Variants in ACAA1 observed in about 807,000 individuals in gnomAD.
ACAA1 encodes acetyl-CoA acyltransferase 1.
A neutral mutation model predicts 48.8 loss-of-function variants in ACAA1; 44 were observed. The observed-to-expected ratio is 0.90, with a 90% confidence interval of 0.71 to 1.16. The LOEUF is 1.16. Ranked by LOEUF, ACAA1 falls within the 50% of genes most tolerant of loss-of-function variation. ACAA1 has a pLI of 0.00. For synonymous variants in ACAA1, 233 were observed against 226.5 expected, an observed-to-expected ratio of 1.03 and a Z score of -0.26; for missense variants, 512 against 562.3, an observed-to-expected ratio of 0.91 and a Z score of 0.90.
chr3:38,136,660 G>C lies in ACAA1; in HGVS notation c.197C>G (p.Ser66Trp), dbSNP rs746937159. ...CTTGAGAACCGCGGTCATGACTGCC[G>C]AGAGAAGCTCGTCGGGGGTGGTGTC... The part of the protein sequence containing the change: ...FKDTTPDELL[S>W]AVMTAVLKDV... Residue 66 changes from serine (S) to tryptophan (W), a missense_variant, in exon 2 of 12, where the codon TCG (serine) becomes TGG (tryptophan). Coordinates refer to ENST00000333167, the MANE Select transcript of ACAA1 (RefSeq NM_001607.4). The C allele has an allele frequency of 2.9e-5, 46 of 1,613,408 alleles. No homozygotes were observed. Among genetic ancestry groups the C allele is most frequent in the Non-Finnish European group, 3.8e-5 (45 of 1,179,760 alleles).
intron 2 of ACAA1, chr3:38,135,325 A>G (rs565064746): frequency 6.6e-6 from 1 of 152,352 alleles, no homozygotes; most frequent in South Asian, 2.1e-4. Context: ...GAGACAAAGT[A>G]TAGAGGAAGA....
chr3:38,126,024 T>C lies in ACAA1; in HGVS notation c.997+138A>G, dbSNP rs1700674279. 6.8e-7 allele frequency: 1 copy of C among 1,468,916 alleles called. No homozygotes were observed. Among genetic ancestry groups the C allele is most frequent in the Non-Finnish European group, 9.4e-7 (1 of 1,066,748 alleles). 91.0% of individuals were successfully genotyped at this position (1,468,916 alleles called of 1,614,324 possible). ...TCCCAGCTGTGGGGTCAGGAAGGGC[T>C]TGAAGTATGGGACACTAGCCTGCCC... On this transcript the variant is annotated intron_variant, in intron 9 of 11. Transcript: ENST00000333167. This position sits in a 1 kb window ranked among gnomAD's most constrained non-coding sequence, Gnocchi z 4.7.
In ACAA1 at chr3:38,126,444, C is replaced by T; in HGVS notation, c.817+66G>A. 6.2e-7 allele frequency: 1 copy of T among 1,611,556 alleles called. No individual in the cohort carries two copies. Among genetic ancestry groups the T allele is most frequent in the South Asian group, 1.1e-5 (1 of 90,892 alleles). On this transcript the variant is annotated intron_variant, in intron 8 of 11. Transcript: ENST00000333167. This position sits in a 1 kb window ranked among gnomAD's most constrained non-coding sequence, Gnocchi z 4.7. ...GAGGGGCCTGGTCTATTCCAGGTTC[C>T]CAGAGTACAGCACCCAGCATGGCCA...
rs746770119 is a variant in ACAA1, at chr3:38,125,861, C to T, written c.1018G>A (p.Asp340Asn). The T allele has an allele frequency of 6.2e-7, 1 of 1,614,190 alleles. No individual in the cohort carries two copies. ...AAGGCCTCATTGATCTCGAAGATGTCCACGTCACTCACTGTCAGCCCTGCA... is the reference window on the plus strand; with the variant it reads ...AAGGCCTCATTGATCTCGAAGATGTTCACGTCACTCACTGTCAGCCCTGCA... ...QKAGLTVSDV[D>N]IFEINEAFAS... The change falls in exon 10 of 12, where the codon GAC becomes AAC. Residue 340 changes from aspartate to asparagine, a missense_variant. Coordinates refer to ENST00000333167, the MANE Select transcript of ACAA1 (RefSeq NM_001607.4).
chr3:38,123,125 G>A lies in ACAA1; in HGVS notation c.1200-3C>T, dbSNP rs1435916631. The A allele has an allele frequency of 1.2e-6, 2 of 1,614,132 alleles. No individual in the cohort carries two copies. Among genetic ancestry groups the A allele is most frequent in the Non-Finnish European group, 1.7e-6 (2 of 1,179,998 alleles). On this transcript the variant is annotated splice_polypyrimidine_tract_variant and splice_region_variant and intron_variant, in intron 11 of 11. Coordinates refer to ENST00000333167, the MANE Select transcript of ACAA1 (RefSeq NM_001607.4). ...ACATGGACACCACTCCGTATGCCCT[G>A]TGAAAACAAAACTTAATTGGCTGGG...
At chr3:38,131,485 G>A (rs1700787275) in intron 5 of ACAA1, 111 bp downstream of exon 5, 3 of 1,175,896 alleles carry the variant, frequency 2.6e-6, no homozygotes, top group Admixed American at 1.7e-5. Flanking sequence ...GTGGCCAGCT[G>A]CCTAAAGGGG....
At chr3:38,127,609 C>G in intron 7 of ACAA1, 177 bp downstream of exon 7, 1 of 637,124 alleles carries the variant, frequency 1.6e-6, no homozygotes, top group East Asian at 2.7e-5. Context: ...GGAAGTACTA[C>G]CAACTCACAG....
rs761001248 is a variant in ACAA1, at chr3:38,136,965, G to A, written c.71C>T (p.Ala24Val). Reference protein sequence around the residue: ...PADSGWMPQAAPCLSGAPQAS... With the variant: ...PADSGWMPQAVPCLSGAPQAS... ...CTGCGGGGCACCGCTCAGGCAAGGC[G>A]CGGCCTGCGGCATCCAGCCGGAATC... The change falls in exon 1 of 12, where the codon GCG (alanine) becomes GTG (valine). Residue 24 changes from alanine to valine, a missense_variant. Coordinates refer to ENST00000333167, the MANE Select transcript of ACAA1 (RefSeq NM_001607.4). 7.0e-5 allele frequency: 109 copies of A among 1,552,896 alleles called. No homozygotes were observed. Among genetic ancestry groups the A allele is most frequent in the Non-Finnish European group, 9.2e-5 (106 of 1,151,368 alleles).
In ACAA1 at chr3:38,136,926, T is replaced by G; in HGVS notation, c.110A>C (p.Asp37Ala). The part of the protein sequence containing the change: ...LSGAPQASAA[D>A]VVVVHGRRTA... ...GCGCCGCCCGTGCACCACCACCACG[T>G]CCGCGGCCGAGGCCTGCGGGGCACC... Residue 37 changes from aspartate (D) to alanine (A), a missense_variant, in exon 1 of 12, where the codon GAC becomes GCC. Asp to Ala is a moderately radical substitution (Grantham distance 126, BLOSUM62 -2). Transcript: ENST00000333167. The G allele has an allele frequency of 1.3e-6, 2 of 1,539,112 alleles. No individual in the cohort carries two copies. The highest frequency in any genetic ancestry group is 1.7e-6 in the Non-Finnish European group (2 of 1,145,276).
At chr3:38,136,056 G>T (rs1700885690) in intron 2 of ACAA1, among the ~76,000 whole-genome samples, 2 of 152,178 alleles carry the variant, frequency 1.3e-5, no homozygotes, top group African/African-American at 4.8e-5. Flanking sequence ...CTTTTACCAA[G>T]CATACTGCCT....
chr3:38,131,771 A>G (rs1438415004), intron 4 of ACAA1, 133 bp from the exon 5 acceptor site: 1 of 1,278,330 alleles, frequency 7.8e-7, no homozygotes, highest in Non-Finnish European at 1.1e-6. Context: ...AGGAGTGTTC[A>G]GAAAAGGCTT....
At chr3:38,123,186 G>A in intron 11 of ACAA1, 64 bp from the exon 12 acceptor site, 4 of 1,480,454 alleles carry the variant, frequency 2.7e-6, no homozygotes, top group Non-Finnish European at 3.8e-6. Flanking sequence ...AGACCAGGCT[G>A]ACCCAGAAGG....
chr3:38,132,034 AG>A, intron 3 of ACAA1, 29 bp from the exon 4 acceptor site: 1 of 1,589,832 alleles, frequency 6.3e-7, no homozygotes, highest in Non-Finnish European at 8.6e-7. Context: ...AAGTAGAATC[AG>A]CCCCCAATTC....
In ACAA1 at chr3:38,125,832, T is replaced by G. The variant is rs535924556; in HGVS notation, c.1047A>C (p.Ala349=). The change falls in exon 10 of 12, where the codon GCA becomes GCC. Residue 349 remains alanine (A), a synonymous_variant. Transcript: ENST00000333167. ...TTGAGAAACAAGGGCTCACCTGGCT[T>G]GCAAAGGCCTCATTGATCTCGAAGA... ...VDIFEINEAF[A]SQAAYCVEKL... is the part of the protein sequence containing the mutation. 1.1e-5 allele frequency: 18 copies of G among 1,614,170 alleles called. No homozygotes were observed. In the South Asian group the frequency reaches 1.9e-4, roughly 17 times the overall value.
Position 38,123,135 on chromosome 3 carries a change from A to AACTT in ACAA1, c.1200-17_1200-14dup. ...CACTCCGTATGCCCTGTGAAAACAA[A>AACTT]ACTTAATTGGCTGGGCAAAGGCACC... On this transcript the variant is annotated splice_polypyrimidine_tract_variant and intron_variant, in intron 11 of 11. Coordinates refer to ENST00000333167, the MANE Select transcript of ACAA1 (RefSeq NM_001607.4). The AACTT allele has an allele frequency of 1.2e-6, 2 of 1,613,894 alleles. No individual in the cohort carries two copies. Among genetic ancestry groups the AACTT allele is most frequent in the Non-Finnish European group, 8.5e-7 (1 of 1,179,948 alleles).
At chr3:38,128,731 A>C (rs1700727762) in intron 6 of ACAA1, among the ~76,000 whole-genome samples, 1 of 152,098 alleles carries the variant, frequency 6.6e-6, no homozygotes, top group Non-Finnish European at 1.5e-5. Context: ...AGCTGGGACT[A>C]CAGGCGCTCA....
chr3:38,126,081 C>T lies in ACAA1; in HGVS notation c.997+81G>A. On this transcript the variant is annotated intron_variant, in intron 9 of 11. Transcript: ENST00000333167. This position sits in a 1 kb window ranked among gnomAD's most constrained non-coding sequence, Gnocchi z 4.7. ...CACTCTGCAGCACCCACAGGACCACCCTCATGCCCCTGGCAACAGCATGCA... is the reference window on the plus strand; with the variant it reads ...CACTCTGCAGCACCCACAGGACCACTCTCATGCCCCTGGCAACAGCATGCA... 3 of 1,537,294 alleles carry T rather than the reference C, an allele frequency of 2.0e-6. No individual in the cohort carries two copies. The highest frequency in any genetic ancestry group is 2.7e-6 in the Non-Finnish European group (3 of 1,128,300).
rs1267653225 is a variant in ACAA1 at position 38,136,634 on chromosome 3, C to G, written c.223G>C (p.Asp75His). 1 of 1,614,020 alleles carries G rather than the reference C, an allele frequency of 6.2e-7. No homozygotes were observed. The highest frequency in any genetic ancestry group is 8.5e-7 in the Non-Finnish European group (1 of 1,179,984). ...AGCTGTTCCGGCCTCAGATTCACGT[C>G]CTTGAGAACCGCGGTCATGACTGCC... ...LSAVMTAVLK[D>H]VNLRPEQLGD... The change falls in exon 2 of 12, where the codon GAC becomes CAC. Residue 75 changes from aspartate to histidine, a missense_variant. Asp to His is a moderately conservative substitution (Grantham distance 81, BLOSUM62 -1). Coordinates refer to ENST00000333167, the MANE Select transcript of ACAA1 (RefSeq NM_001607.4).
intron 2 of ACAA1, chr3:38,134,288 C>T (rs1700844480): frequency 1.9e-6 from 1 of 529,412 alleles, no homozygotes; most frequent in Non-Finnish European, 3.4e-6. Flanking sequence ...AGGTTGTCTG[C>T]CCTTAAAAGT....
Sources: allele counts gnomAD v4.1 joint callset (sites outside exome capture counted in the v4.1 genomes callset), GRCh38; gene constraint gnomAD v4.1.1; non-coding constraint Gnocchi (gnomAD v3.1); transcripts MANE v1.5; gene names NCBI Gene and HGNC (gene_info 2026-07-23, HGNC 2026-07-21).